SIAH3: variants seen among roughly 807,000 people sequenced by gnomAD.
SIAH3 encodes siah E3 ubiquitin protein ligase family member 3.
SIAH3 carries 9 observed loss-of-function variants against 12.6 expected under a neutral mutation model. The observed-to-expected ratio is 0.72, with a 90% CI of 0.43 to 1.25. The LOEUF (loss-of-function observed/expected upper bound fraction) is 1.25, where lower values mean the gene tolerates loss of function less well. SIAH3 is among the 50% of genes most tolerant of loss of function. The pLI, the probability that SIAH3 is intolerant of heterozygous loss-of-function variation, is 0.00. For synonymous variants in SIAH3, 154 were observed against 151.1 expected (o/e 1.02, Z -0.14); for missense variants, 390 against 365.4 (o/e 1.07, Z -0.55).
At chr13:45,792,546 C>T (rs186019509) in intron 1 of SIAH3, among the ~76,000 whole-genome samples, 7 of 152,012 alleles carry the variant, frequency 4.6e-5, no homozygotes, top group Admixed American at 2.0e-4. Flanking sequence ...TTAGTAGAGA[C>T]GGGATTTCAC....
chr13:45,827,409 T>C (rs1329861369), intron 1 of SIAH3, among the ~76,000 whole-genome samples: 1 of 152,200 alleles, frequency 6.6e-6, no homozygotes, highest in Non-Finnish European at 1.5e-5. Context: ...AGGCTGTGAT[T>C]TGTAAGAAAA....
chr13:45,799,903 A>G (rs1950575667), intron 1 of SIAH3, among the ~76,000 whole-genome samples: 1 of 152,234 alleles, frequency 6.6e-6, no homozygotes, highest in South Asian at 2.1e-4. Flanking sequence ...TCTGGGGGGA[A>G]AATGTATGTA....
chr13:45,814,238 CAAA>C (rs56377017), intron 1 of SIAH3, among the ~76,000 whole-genome samples: 2 of 72,706 alleles, frequency 2.8e-5, no homozygotes, highest in African/African-American at 6.3e-5. Flanking sequence ...GACTCTGTCT[CAAA>C]AAAAAAAAAA....
In SIAH3 at chr13:45,780,606, C is replaced by T. The variant is rs192703006; in HGVS notation, c.*2777G>A. 1 of 152,318 alleles carries T rather than the reference C, an allele frequency of 6.6e-6. No individual in the cohort carries two copies. The highest frequency in any genetic ancestry group is 6.5e-5 in the Admixed American group (1 of 15,298). The allele number at this position is 152,318 out of a possible 1,614,324, so 9.4% of individuals were successfully genotyped here. A position where few individuals can be genotyped will look rare whatever the true frequency, so the allele number is the denominator to read the frequency against. Reference sequence around the variant, plus strand: ...AGAGATGCTTCTAAAAGCAAATCTACTCCAGTCTTTCTCTCCCTGCTCCCT... The same window carrying T: ...AGAGATGCTTCTAAAAGCAAATCTATTCCAGTCTTTCTCTCCCTGCTCCCT... On this transcript the variant is annotated 3_prime_UTR_variant, in exon 2 of 2. Transcript: ENST00000400405.
chr13:45,839,457 A>G (rs777652195), intron 1 of SIAH3, among the ~76,000 whole-genome samples: 6 of 152,194 alleles, frequency 3.9e-5, no homozygotes, highest in African/African-American at 9.7e-5. Flanking sequence ...TAGAGCACAA[A>G]CTTCCTTTCC....
intron 1 of SIAH3, among the ~76,000 whole-genome samples, chr13:45,802,230 C>T (rs541956298): frequency 3.9e-5 from 6 of 152,224 alleles, no homozygotes; most frequent in South Asian, 2.1e-4. Context: ...CTCTTGAACC[C>T]GGGAGGTGGA....
chr13:45,798,924 G>A (rs78659707), intron 1 of SIAH3, among the ~76,000 whole-genome samples: 3,931 of 152,266 alleles, frequency 0.026, 172 homozygotes, highest in African/African-American at 0.09. Context: ...TGGCACTAAA[G>A]CCTTCCTCTG....
intron 1 of SIAH3, among the ~76,000 whole-genome samples, chr13:45,791,871 C>T (rs1950546599): frequency 6.6e-6 from 1 of 152,196 alleles, no homozygotes; most frequent in Admixed American, 6.5e-5. Context: ...TCCCCTCCTG[C>T]ACCTTGGCAG....
chr13:45,793,111 CA>C (rs1950551500), intron 1 of SIAH3, among the ~76,000 whole-genome samples: 1 of 152,210 alleles, frequency 6.6e-6, no homozygotes, highest in African/African-American at 2.4e-5. Flanking sequence ...ATTGTCCCGC[CA>C]CCTCGGATAA....
chr13:45,834,779 G>C (rs989399232), intron 1 of SIAH3, among the ~76,000 whole-genome samples: 12 of 152,110 alleles, frequency 7.9e-5, no homozygotes, highest in African/African-American at 2.7e-4. Context: ...AGGAACTCCT[G>C]AGTTCACAAT....
At chr13:45,802,418 G>A (rs1460885854) in intron 1 of SIAH3, among the ~76,000 whole-genome samples, 1 of 152,160 alleles carries the variant, frequency 6.6e-6, no homozygotes, top group African/African-American at 2.4e-5. Flanking sequence ...GTTAGGGGGC[G>A]AGGTGCAGTG....
At position 45,783,234 on chromosome 13, in the gene SIAH3, A is replaced by C. The variant is rs190105556; in HGVS notation, c.*149T>G. 56 of 472,848 alleles carry C rather than the reference A, an allele frequency of 1.2e-4. No homozygotes were observed. The highest frequency in any genetic ancestry group is 9.3e-4 in the African/African-American group (46 of 49,684). 29.3% of individuals were successfully genotyped at this position (472,848 alleles called of 1,614,324 possible). On this transcript the variant is annotated 3_prime_UTR_variant, in exon 2 of 2. Coordinates refer to ENST00000400405, the MANE Select transcript of SIAH3 (RefSeq NM_198849.3). ...GGCAGACAAAAACTAAATCTCACAA[A>C]GTACCTGAGACAAAAAAATAATAAT...
intron 1 of SIAH3, among the ~76,000 whole-genome samples, chr13:45,833,481 A>ACACACACACACG (rs1950706999): frequency 1.4e-5 from 2 of 145,022 alleles, no homozygotes; most frequent in Admixed American, 1.4e-4. Flanking sequence ...ACACACATGC[A>ACACACACACACG]CACACACACA....
intron 1 of SIAH3, among the ~76,000 whole-genome samples, chr13:45,843,839 A>C (rs1312176915): frequency 6.6e-6 from 1 of 152,162 alleles, no homozygotes; most frequent in East Asian, 1.9e-4. Context: ...TGTCGTCATA[A>C]TGACCATGCT....
chr13:45,843,530 T>TC (rs1462456539), intron 1 of SIAH3, among the ~76,000 whole-genome samples: 2 of 152,104 alleles, frequency 1.3e-5, no homozygotes, highest in African/African-American at 4.8e-5. Context: ...GAATGACAGG[T>TC]CCCAGCTCGT....
At chr13:45,836,252 G>C (rs982843521) in intron 1 of SIAH3, among the ~76,000 whole-genome samples, 1 of 152,218 alleles carries the variant, frequency 6.6e-6, no homozygotes, top group African/African-American at 2.4e-5. Flanking sequence ...AAAGACACAT[G>C]CATGCATATG....
intron 1 of SIAH3, among the ~76,000 whole-genome samples, chr13:45,797,004 C>A (rs1950565053): frequency 6.6e-6 from 1 of 152,170 alleles, no homozygotes; most frequent in South Asian, 2.1e-4. Flanking sequence ...GGCAGGCTGG[C>A]CAGTCCCTAA....
intron 1 of SIAH3, among the ~76,000 whole-genome samples, chr13:45,844,517 G>A (rs182930076): frequency 1.3e-4 from 20 of 152,284 alleles, no homozygotes; most frequent in African/African-American, 2.9e-4. Flanking sequence ...TAAGGCCTTC[G>A]GACTTGGAGC....
At chr13:45,801,130 G>A (rs992224558) in intron 1 of SIAH3, among the ~76,000 whole-genome samples, 2 of 151,248 alleles carry the variant, frequency 1.3e-5, no homozygotes, top group African/African-American at 4.9e-5. Context: ...TGCTATTTTG[G>A]CCTCCGGGAG....
Sources: gnomAD v4.1 joint callset for allele counts (sites outside exome capture counted in the v4.1 genomes callset) on GRCh38, gnomAD v4.1.1 for gene constraint, MANE v1.5 for transcripts, NCBI Gene and HGNC (gene_info 2026-07-23, HGNC 2026-07-21) for gene names.